The following FNDC3A variants were observed in gnomAD, a reference collection of about 807,000 sequenced individuals.
The protein encoded by FNDC3A is fibronectin type III domain containing 3A, also known as fibronectin type-III domain-containing protein 3A.
In FNDC3A, 32 loss-of-function variants were observed where a neutral mutation model predicts 148.9. The observed-to-expected ratio is 0.21, with a 90% CI of 0.16 to 0.29. The LOEUF (loss-of-function observed/expected upper bound fraction) is 0.29, where lower values mean the gene tolerates loss of function less well. Among genes scored for constraint, FNDC3A ranks in the 10% least tolerant of loss-of-function variants. The pLI, the probability that FNDC3A is intolerant of heterozygous loss-of-function variation, is 1.00. For missense variants in FNDC3A, 1,191 were observed against 1,452.8 expected (o/e 0.82, Z 2.93); for synonymous variants, 472 against 473.6 (o/e 1.00, Z 0.04).
At chr13:49,022,032 G>C (rs938202733) in intron 2 of FNDC3A, among the ~76,000 whole-genome samples, 8 of 152,084 alleles carry the variant, frequency 5.3e-5, no homozygotes, top group Non-Finnish European at 1.0e-4. Flanking sequence ...TTGTAAAAAG[G>C]TATTTTTTTC....
At chr13:49,036,945 A>T (rs890284365) in intron 2 of FNDC3A, among the ~76,000 whole-genome samples, 4 of 152,220 alleles carry the variant, frequency 2.6e-5, no homozygotes, top group African/African-American at 9.6e-5. Flanking sequence ...AGGTGAGGCT[A>T]TTGACCATTA....
chr13:48,979,948 A>G (rs1951668462), intron 1 of FNDC3A, among the ~76,000 whole-genome samples: 1 of 152,158 alleles, frequency 6.6e-6, no homozygotes, highest in Non-Finnish European at 1.5e-5. Flanking sequence ...ACTGCTAGGT[A>G]ATAATTGGCA....
intron 2 of FNDC3A, among the ~76,000 whole-genome samples, chr13:49,031,692 G>T (rs766628232): frequency 2.0e-5 from 3 of 151,914 alleles, no homozygotes; most frequent in African/African-American, 7.3e-5. Flanking sequence ...GAACAAAAAG[G>T]CATAAATCTC....
Position 49,145,955 on chromosome 13 carries a change from C to G in FNDC3A, c.977+20C>G, listed in dbSNP as rs1200224563. On this transcript the variant is annotated intron_variant, in intron 8 of 25. Transcript: ENST00000492622. ...ATATGTGTAGGTATTTGTTGTTTTG[C>G]TTTCTCCCATTGTGTAAATTAATGG... 1 of 1,579,770 alleles carries G rather than the reference C, an allele frequency of 6.3e-7. No individual in the cohort carries two copies. Among genetic ancestry groups the G allele is most frequent in the African/African-American group, 1.4e-5 (1 of 73,478 alleles).
intron 2 of FNDC3A, among the ~76,000 whole-genome samples, chr13:49,022,607 G>A (rs527508916): frequency 3.0e-4 from 45 of 152,186 alleles, no homozygotes; most frequent in African/African-American, 1.0e-3. Flanking sequence ...TTATACTTTT[G>A]TGACAATAAT....
intron 2 of FNDC3A, among the ~76,000 whole-genome samples, chr13:49,021,803 A>G (rs1873346955): frequency 6.6e-6 from 1 of 152,192 alleles, no homozygotes; most frequent in African/African-American, 2.4e-5. Context: ...ATCTTCCAAA[A>G]TGGAGTTTTT....
intron 4 of FNDC3A, among the ~76,000 whole-genome samples, chr13:49,117,664 CAATAT>C (rs1245113463): frequency 6.6e-6 from 1 of 152,030 alleles, no homozygotes; most frequent in Non-Finnish European, 1.5e-5. Context: ...TTTCTTAATA[CAATAT>C]AACTATTTAC....
At chr13:49,039,703 GT>G (rs1874774621) in intron 2 of FNDC3A, among the ~76,000 whole-genome samples, 1 of 151,788 alleles carries the variant, frequency 6.6e-6, no homozygotes, top group Non-Finnish European at 1.5e-5. Flanking sequence ...TACTTTTTCT[GT>G]TTTTGTTTTT....
rs541414029 is a variant in FNDC3A at position 49,178,728 on chromosome 13, C to CTGTT, written c.1617+92_1617+95dup. 3,762 of 851,102 alleles carry CTGTT rather than the reference C, an allele frequency of 4.4e-3. 55 individuals are homozygous for CTGTT. The highest frequency in any genetic ancestry group is 0.01 in the South Asian group (554 of 55,242). The allele number at this position is 851,102 out of a possible 1,614,324, so 52.7% of individuals were successfully genotyped here. A position where few individuals can be genotyped will look rare whatever the true frequency, so the allele number is the denominator to read the frequency against. ...CTGGTGTGGTGGGGTTCTTTGTTTT[C>CTGTT]TGTTTGTTTGTTTGTTTGTTTTTTG... On this transcript the variant is annotated intron_variant, in intron 14 of 25. Coordinates refer to ENST00000492622, the MANE Select transcript of FNDC3A (RefSeq NM_001079673.2).
chr13:49,204,809 T>G (rs1027845892), intron 25 of FNDC3A, among the ~76,000 whole-genome samples: 1 of 152,184 alleles, frequency 6.6e-6, no homozygotes, highest in African/African-American at 2.4e-5. Context: ...CTCTTCCTGC[T>G]TAGAGGTCTT....
chr13:49,050,304 G>A (rs1365503694), intron 2 of FNDC3A, among the ~76,000 whole-genome samples: 1 of 152,070 alleles, frequency 6.6e-6, no homozygotes, highest in African/African-American at 2.4e-5. Context: ...TCTTAGTGTT[G>A]CTTTTGCTGT....
chr13:49,048,724 A>G (rs142485058), intron 2 of FNDC3A, among the ~76,000 whole-genome samples: 98 of 152,192 alleles, frequency 6.4e-4, no homozygotes, highest in African/African-American at 2.0e-3. Context: ...TGGATGAGTC[A>G]TTAGGGTTTT....
chr13:49,019,787 A>G (rs112019614), intron 2 of FNDC3A, among the ~76,000 whole-genome samples: 98 of 152,286 alleles, frequency 6.4e-4, no homozygotes, highest in African/African-American at 2.0e-3. Flanking sequence ...ACTGTCCTAT[A>G]ATGGGCATTT....
At chr13:49,176,787 A>G (rs1885053059) in intron 13 of FNDC3A, among the ~76,000 whole-genome samples, 1 of 152,084 alleles carries the variant, frequency 6.6e-6, no homozygotes. Context: ...GAGGTTAGGT[A>G]TGATGGAGAA....
rs1023064936 is a variant in FNDC3A at position 49,114,574 on chromosome 13, T to G, written c.176-81T>G. On this transcript the variant is annotated intron_variant, in intron 3 of 25. Transcript: ENST00000492622. ...TGGCTTGAGTGTTTAGATGAAGTAT[T>G]CAAAATGTAATTCAAATTGTTTTCA... 1.3e-5 allele frequency: 12 copies of G among 913,906 alleles called. No homozygotes were observed. The African/African-American group carries it at 2.0e-4, about 15-fold the overall frequency. The allele number at this position is 913,906 out of a possible 1,614,324, so 56.6% of individuals were successfully genotyped here.
chr13:49,074,989 G>T lies in FNDC3A; in HGVS notation c.100-300G>T, dbSNP rs143672185. On this transcript the variant is annotated intron_variant, in intron 2 of 25. Transcript: ENST00000492622. The stretch of plus-strand genomic sequence containing the variant: ...TAGCAACTGATAAGCTCACTTAGAT[G>T]ATCTAAATATTCTGTGGTTTGACTC... 2.1e-3 allele frequency among the ~76,000 whole-genome samples: 320 copies of T among 152,228 alleles called. 2 individuals are homozygous for T. The highest frequency in any genetic ancestry group is 7.1e-3 in the African/African-American group (296 of 41,560).
intron 2 of FNDC3A, among the ~76,000 whole-genome samples, chr13:49,017,698 G>C (rs560374271): frequency 2.6e-5 from 4 of 152,058 alleles, no homozygotes; most frequent in African/African-American, 7.2e-5. Flanking sequence ...TCCTATTCTC[G>C]ATGGTCTTTA....
rs561171317 is a variant in FNDC3A, at chr13:49,190,972, G to GT, written c.1945-39dup. The GT allele has an allele frequency of 5.1e-5, 70 of 1,375,856 alleles. No homozygotes were observed. In the East Asian group the frequency reaches 6.0e-4, roughly 12 times the overall value. 85.2% of individuals were successfully genotyped at this position (1,375,856 alleles called of 1,614,324 possible). A position where few individuals can be genotyped will look rare whatever the true frequency, so the allele number is the denominator to read the frequency against. On this transcript the variant is annotated intron_variant, in intron 17 of 25. Transcript: ENST00000492622. ...TTACCAAAAGCAATCTGATTATTTG[G>GT]TTTTGGGGCATTTTTGTTTTCTTTT... is the stretch of plus-strand genomic sequence containing the variant.
chr13:49,201,484 A>T (rs1886416005), intron 23 of FNDC3A, among the ~76,000 whole-genome samples: 1 of 152,148 alleles, frequency 6.6e-6, no homozygotes, highest in South Asian at 2.1e-4. Context: ...TAAAATGTAC[A>T]TTAACAAAAC....
Sources: allele counts gnomAD v4.1 joint callset (sites outside exome capture counted in the v4.1 genomes callset), GRCh38; gene constraint gnomAD v4.1.1; transcripts MANE v1.5; gene names NCBI Gene and HGNC (gene_info 2026-07-23, HGNC 2026-07-21).